Variants in TMCC3 observed in about 807,000 individuals in gnomAD.
TMCC3 encodes transmembrane and coiled-coil domain protein 3.
In TMCC3, 28 loss-of-function variants were observed where a neutral mutation model predicts 40.2. That is an observed-to-expected ratio of 0.70 (90% CI 0.52 to 0.95). The LOEUF (loss-of-function observed/expected upper bound fraction) is 0.95, where lower values mean the gene tolerates loss of function less well. Among genes scored for constraint, TMCC3 ranks in the 40% least tolerant of loss-of-function variants. The pLI, the probability that TMCC3 is intolerant of heterozygous loss-of-function variation, is 0.00. For missense variants in TMCC3, 554 were observed against 615.2 expected, an observed-to-expected ratio of 0.90 and a Z score of 1.05; for synonymous variants, 255 against 248.5, an observed-to-expected ratio of 1.03 and a Z score of -0.25.
chr12:94,628,597 C>T (rs375407881), intron 1 of TMCC3, among the ~76,000 whole-genome samples: 21 of 152,294 alleles, frequency 1.4e-4, no homozygotes, highest in East Asian at 7.7e-4. Context: ...AGGAAACAAG[C>T]GCAACAAGGC....
At chr12:94,612,728 G>C (rs1295315448) in intron 1 of TMCC3, among the ~76,000 whole-genome samples, 1 of 152,212 alleles carries the variant, frequency 6.6e-6, no homozygotes, top group East Asian at 1.9e-4. Context: ...AAGCAAGACA[G>C]AATTACTTGC....
chr12:94,584,391 T>C (rs2068625643), intron 1 of TMCC3, among the ~76,000 whole-genome samples: 1 of 152,174 alleles, frequency 6.6e-6, no homozygotes, highest in Non-Finnish European at 1.5e-5. Context: ...GAGGAAGCCA[T>C]GCTTCCTGTA....
At chr12:94,593,513 T>C (rs931898217) in intron 1 of TMCC3, among the ~76,000 whole-genome samples, 17 of 151,370 alleles carry the variant, frequency 1.1e-4, no homozygotes, top group African/African-American at 3.9e-4. Context: ...TAAAATCTCG[T>C]CACTCTAGAA....
chr12:94,626,642 A>C (rs1264205090), intron 1 of TMCC3, among the ~76,000 whole-genome samples: 2 of 152,060 alleles, frequency 1.3e-5, no homozygotes, highest in Non-Finnish European at 1.5e-5. Flanking sequence ...ATCTCTGCCC[A>C]CCTCTGGGTA....
At chr12:94,631,170 C>A (rs560041449) in intron 1 of TMCC3, among the ~76,000 whole-genome samples, 13 of 152,284 alleles carry the variant, frequency 8.5e-5, no homozygotes, top group African/African-American at 3.1e-4. Flanking sequence ...TCTTTTTAAA[C>A]GGTTTTCTGC....
chr12:94,605,304 A>C (rs930638885), intron 1 of TMCC3, among the ~76,000 whole-genome samples: 1 of 152,208 alleles, frequency 6.6e-6, no homozygotes, highest in African/African-American at 2.4e-5. Flanking sequence ...TTAAATACAG[A>C]TACTGTTTAG....
chr12:94,611,972 T>G (rs1689948092), intron 1 of TMCC3, among the ~76,000 whole-genome samples: 1 of 152,198 alleles, frequency 6.6e-6, no homozygotes, highest in Admixed American at 6.5e-5. Context: ...GAGGCTAGAC[T>G]GTTTTACCTG....
intron 1 of TMCC3, among the ~76,000 whole-genome samples, chr12:94,585,070 AG>A (rs1454906246): frequency 3.9e-5 from 6 of 152,168 alleles, no homozygotes; most frequent in Admixed American, 3.9e-4. Context: ...ACAATCACTG[AG>A]GCTAAAAATT....
At chr12:94,612,988 A>C (rs187088527) in intron 1 of TMCC3, among the ~76,000 whole-genome samples, 18 of 152,280 alleles carry the variant, frequency 1.2e-4, no homozygotes, top group Middle Eastern at 3.4e-3. Flanking sequence ...AAAAACAATA[A>C]AAGCAATAAC....
At chr12:94,646,431 CTTTT>C (rs34398994) in intron 1 of TMCC3, among the ~76,000 whole-genome samples, 5 of 90,714 alleles carry the variant, frequency 5.5e-5, no homozygotes, top group Non-Finnish European at 8.1e-5. Flanking sequence ...AAGCACACAC[CTTTT>C]TTTTTTTTTT....
At chr12:94,594,955 G>A (rs1280351686) in intron 1 of TMCC3, among the ~76,000 whole-genome samples, 1 of 152,106 alleles carries the variant, frequency 6.6e-6, no homozygotes, top group Non-Finnish European at 1.5e-5. Flanking sequence ...TTCATTATAG[G>A]CACCCTGCAC....
chr12:94,584,587 C>T (rs568610959), intron 1 of TMCC3, among the ~76,000 whole-genome samples: 3 of 151,326 alleles, frequency 2.0e-5, no homozygotes, highest in African/African-American at 4.9e-5. Flanking sequence ...TGCTTTATTC[C>T]AGAGGAGGGA....
At chr12:94,588,481 C>A (rs1185295100) in intron 1 of TMCC3, among the ~76,000 whole-genome samples, 1 of 152,150 alleles carries the variant, frequency 6.6e-6, no homozygotes, top group Non-Finnish European at 1.5e-5. Flanking sequence ...AGACAATGAA[C>A]CTTTGCTTAA....
intron 1 of TMCC3, among the ~76,000 whole-genome samples, chr12:94,619,781 TTA>T (rs2068865586): frequency 6.6e-6 from 1 of 152,212 alleles, no homozygotes; most frequent in Admixed American, 6.5e-5. Flanking sequence ...TGGGAGGAAC[TTA>T]AATCGCATAT....
chr12:94,641,261 G>A (rs1455155854), intron 1 of TMCC3, among the ~76,000 whole-genome samples: 1 of 152,066 alleles, frequency 6.6e-6, no homozygotes, highest in African/African-American at 2.4e-5. Flanking sequence ...GGGGGATTGA[G>A]GGAGCAGCTC....
At chr12:94,625,405 C>T (rs1371596199) in intron 1 of TMCC3, among the ~76,000 whole-genome samples, 3 of 151,692 alleles carry the variant, frequency 2.0e-5, no homozygotes, top group Admixed American at 1.3e-4. Flanking sequence ...ACCAGTCTGG[C>T]CAACACGGTG....
Position 94,625,658 on chromosome 12 carries a change from C to T in TMCC3, c.78+24695G>A, listed in dbSNP as rs540937407. ...GAAGGGCAAATAGTCTCACCGTGAA[C>T]GAAGGTGTCACCACACACAATTTTT... On this transcript the variant is annotated intron_variant, in intron 1 of 3. Transcript: ENST00000261226. Among the ~76,000 whole-genome samples the T allele has an allele frequency of 3.4e-5, 5 of 149,124 alleles. No individual in the cohort carries two copies. In the South Asian group the frequency reaches 1.1e-3, roughly 32 times the overall value.
At chr12:94,627,779 C>T (rs775060645) in intron 1 of TMCC3, among the ~76,000 whole-genome samples, 5 of 152,212 alleles carry the variant, frequency 3.3e-5, no homozygotes, top group Non-Finnish European at 7.3e-5. Flanking sequence ...CTTGGGCCTC[C>T]CCAGCCCTCT....
intron 1 of TMCC3, among the ~76,000 whole-genome samples, chr12:94,601,545 C>T (rs2068752259): frequency 6.6e-6 from 1 of 150,612 alleles, no homozygotes; most frequent in African/African-American, 2.5e-5. Flanking sequence ...AAAAAGAAGG[C>T]TGGGCGCAGT....
Sources: gnomAD v4.1 joint callset for allele counts (sites outside exome capture counted in the v4.1 genomes callset) on GRCh38, gnomAD v4.1.1 for gene constraint, MANE v1.5 for transcripts, NCBI Gene and HGNC (gene_info 2026-07-23, HGNC 2026-07-21) for gene names.